The following SCEL variants were observed in gnomAD, a reference collection of about 807,000 sequenced individuals.
SCEL encodes sciellin.
In SCEL, 113 loss-of-function variants were observed where a neutral mutation model predicts 117.6. The ratio of observed to expected loss-of-function variants is 0.96; its 90% CI spans 0.83 to 1.12. The LOEUF (loss-of-function observed/expected upper bound fraction) is 1.12. SCEL is among the 50% of genes most tolerant of loss of function. The probability of loss-of-function intolerance (pLI) is 0.00; values close to 1 mark genes in which losing one functional copy is unlikely to be tolerated. For synonymous variants in SCEL, 270 were observed against 256.2 expected, an observed-to-expected ratio of 1.05 and a Z score of -0.51; for missense variants, 785 against 810.8, an observed-to-expected ratio of 0.97 and a Z score of 0.39.
At chr13:77,575,932 T>A (rs1555507382) in intron 9 of SCEL, among the ~76,000 whole-genome samples, 1 of 152,264 alleles carries the variant, frequency 6.6e-6, no homozygotes, top group Non-Finnish European at 1.5e-5. Flanking sequence ...GCTTTATAAC[T>A]GTTGTTCCTC....
At chr13:77,576,104 C>T (rs2085926671) in intron 9 of SCEL, among the ~76,000 whole-genome samples, 1 of 152,182 alleles carries the variant, frequency 6.6e-6, no homozygotes, top group African/African-American at 2.4e-5. Flanking sequence ...TCCTCTCTTT[C>T]CATCTCAGCC....
chr13:77,553,523 A>T (rs2084471658), intron 1 of SCEL, among the ~76,000 whole-genome samples: 1 of 152,180 alleles, frequency 6.6e-6, no homozygotes, highest in African/African-American at 2.4e-5. Flanking sequence ...GAGGCAAAAT[A>T]GTCACTAGTT....
chr13:77,634,558 AC>A (rs2090182438), intron 29 of SCEL, 108 bp downstream of exon 29: 7 of 705,024 alleles, frequency 9.9e-6, no homozygotes, highest in Non-Finnish European at 1.7e-5. Flanking sequence ...CAAATAGAAG[AC>A]CGTTTATAAG....
intron 11 of SCEL, 58 bp downstream of exon 11, chr13:77,591,518 C>A: frequency 1.0e-6 from 1 of 992,066 alleles, no homozygotes; most frequent in South Asian, 1.5e-5. Context: ...TATGCTTTCT[C>A]AGCACATTAA....
chr13:77,541,432 A>G (rs2083695725), intron 1 of SCEL, among the ~76,000 whole-genome samples: 1 of 152,242 alleles, frequency 6.6e-6, no homozygotes, highest in Non-Finnish European at 1.5e-5. Context: ...ATAGGGATCA[A>G]GAATATTTTA....
intron 9 of SCEL, among the ~76,000 whole-genome samples, chr13:77,586,008 C>T (rs769791239): frequency 6.6e-6 from 1 of 152,110 alleles, no homozygotes; most frequent in Non-Finnish European, 1.5e-5. Flanking sequence ...TTAATTTTAA[C>T]TCCCTCCTCC....
chr13:77,594,448 A>G (rs1024100714), intron 12 of SCEL, among the ~76,000 whole-genome samples: 2 of 152,166 alleles, frequency 1.3e-5, no homozygotes, highest in Admixed American at 1.3e-4. Context: ...CACCATGCCA[A>G]TCCATCCAAG....
At chr13:77,576,608 A>C (rs1305276259) in intron 9 of SCEL, among the ~76,000 whole-genome samples, 2 of 152,324 alleles carry the variant, frequency 1.3e-5, no homozygotes, top group Admixed American at 6.5e-5. Context: ...CAAAGACACC[A>C]GAAACTCAAT....
At chr13:77,598,523 GA>G (rs1458908041) in intron 13 of SCEL, among the ~76,000 whole-genome samples, 1 of 152,146 alleles carries the variant, frequency 6.6e-6, no homozygotes, top group African/African-American at 2.4e-5. Context: ...AGTGGGTGAG[GA>G]GACTGACTGT....
intron 32 of SCEL, among the ~76,000 whole-genome samples, chr13:77,643,766 C>T (rs1404703381): frequency 6.6e-6 from 1 of 151,724 alleles, no homozygotes; most frequent in African/African-American, 2.4e-5. Flanking sequence ...ATTACAAGAA[C>T]ATACCTAATT....
chr13:77,644,146 A>G, intron 32 of SCEL, 112 bp from the exon 33 acceptor site: 1 of 1,169,790 alleles, frequency 8.5e-7, no homozygotes, highest in Non-Finnish European at 1.3e-6. Flanking sequence ...GTGGAAGGAA[A>G]AGTGGAATCC....
At chr13:77,586,913 T>C (rs1056046825) in intron 9 of SCEL, among the ~76,000 whole-genome samples, 3 of 152,162 alleles carry the variant, frequency 2.0e-5, no homozygotes, top group African/African-American at 7.2e-5. Context: ...TGTCTGGGAT[T>C]GCAGTGAGGA....
chr13:77,568,489 G>A (rs2085411733), intron 7 of SCEL, among the ~76,000 whole-genome samples, 156 bp downstream of exon 7: 1 of 146,940 alleles, frequency 6.8e-6, no homozygotes. Context: ...GTCTGTAAAG[G>A]TTCAAATGTG....
chr13:77,642,646 C>T, intron 31 of SCEL, 60 bp from the exon 32 acceptor site: 1 of 1,018,404 alleles, frequency 9.8e-7, no homozygotes. Flanking sequence ...GATGTCTGTT[C>T]CTCTAATAAT....
intron 15 of SCEL, among the ~76,000 whole-genome samples, chr13:77,601,510 T>C (rs2087688143): frequency 6.6e-6 from 1 of 152,226 alleles, no homozygotes; most frequent in Non-Finnish European, 1.5e-5. Context: ...TCATATTCGC[T>C]AATAATTTTT....
At chr13:77,550,215 G>A (rs966243038) in intron 1 of SCEL, among the ~76,000 whole-genome samples, 2 of 151,496 alleles carry the variant, frequency 1.3e-5, no homozygotes, top group Non-Finnish European at 2.9e-5. Context: ...GCAAAACTGC[G>A]TGTCTACTAA....
At chr13:77,540,051 G>T (rs902450483) in intron 1 of SCEL, among the ~76,000 whole-genome samples, 1 of 152,096 alleles carries the variant, frequency 6.6e-6, no homozygotes, top group African/African-American at 2.4e-5. Flanking sequence ...GCACATTTAA[G>T]AATATGTAAG....
At chr13:77,619,487 G>C (rs1240814182) in intron 27 of SCEL, among the ~76,000 whole-genome samples, 15 of 152,192 alleles carry the variant, frequency 9.9e-5, no homozygotes, top group Admixed American at 9.8e-4. Context: ...GGTTAAATCA[G>C]CTCAGACTCT....
chr13:77,617,738 C>T (rs548965524), intron 25 of SCEL, 65 bp from the exon 26 acceptor site: 8 of 1,485,574 alleles, frequency 5.4e-6, no homozygotes, highest in East Asian at 2.3e-5. Context: ...AGATTTATAA[C>T]CTTAATGATA....
Sources: gnomAD v4.1 joint callset for allele counts (sites outside exome capture counted in the v4.1 genomes callset) on GRCh38, gnomAD v4.1.1 for gene constraint, MANE v1.5 for transcripts, NCBI Gene and HGNC (gene_info 2026-07-23, HGNC 2026-07-21) for gene names.